The following PPARGC1A variants were observed in gnomAD, a reference collection of about 807,000 sequenced individuals.
PPARGC1A encodes peroxisome proliferator-activated receptor gamma coactivator 1-alpha.
A neutral mutation model predicts 88.7 loss-of-function variants in PPARGC1A; 25 were observed. The ratio of observed to expected loss-of-function variants is 0.28; its 90% confidence interval spans 0.21 to 0.39. The LOEUF is 0.39. Ranked by LOEUF, PPARGC1A falls within the 10% of genes least tolerant of loss-of-function variation. The probability of loss-of-function intolerance (pLI) is 1.00; values close to 1 mark genes in which losing one functional copy is unlikely to be tolerated. For synonymous variants in PPARGC1A, 363 were observed against 355.6 expected (o/e 1.02, Z -0.24); for missense variants, 880 against 968.7 (o/e 0.91, Z 1.22).
the PPARGC1A span, among the ~76,000 whole-genome samples, chr4:24,115,868 T>A: frequency 6.6e-6 from 1 of 152,180 alleles, no homozygotes; most frequent in African/African-American, 2.4e-5. Flanking sequence ...GGCTTTGGGC[T>A]TCACTTTACA....
the PPARGC1A span, among the ~76,000 whole-genome samples, chr4:24,227,109 G>A: frequency 2.0e-5 from 3 of 151,842 alleles, no homozygotes. Context: ...TTTGGATACG[G>A]AGTCTCACTC....
At chr4:23,860,425 A>G (rs1731040891) in intron 2 of PPARGC1A, among the ~76,000 whole-genome samples, 1 of 152,138 alleles carries the variant, frequency 6.6e-6, no homozygotes, top group African/African-American at 2.4e-5. Flanking sequence ...TATGGTTAGT[A>G]ATATTGTACT....
chr4:24,033,026 G>T, the PPARGC1A span, among the ~76,000 whole-genome samples: 6 of 152,208 alleles, frequency 3.9e-5, no homozygotes, highest in Non-Finnish European at 8.8e-5. Context: ...CACAAAACTT[G>T]TATGTAGAAT....
the PPARGC1A span, among the ~76,000 whole-genome samples, chr4:24,213,327 C>T: frequency 6.6e-6 from 1 of 152,064 alleles, no homozygotes; most frequent in Non-Finnish European, 1.5e-5. Context: ...CCACCCGGCC[C>T]GGCTAATTTT....
At chr4:24,107,803 T>A in the PPARGC1A span, among the ~76,000 whole-genome samples, 1 of 152,212 alleles carries the variant, frequency 6.6e-6, no homozygotes, top group African/African-American at 2.4e-5. Context: ...AGAAGGATGA[T>A]TGGCTTCAAG....
At chr4:23,923,084 T>C in the PPARGC1A span, among the ~76,000 whole-genome samples, 1 of 151,704 alleles carries the variant, frequency 6.6e-6, no homozygotes, top group Non-Finnish European at 1.5e-5. Flanking sequence ...CTAAAAACAA[T>C]AGAGCCTTTA....
the PPARGC1A span, among the ~76,000 whole-genome samples, chr4:23,998,107 C>T: frequency 6.6e-6 from 1 of 152,168 alleles, no homozygotes; most frequent in Non-Finnish European, 1.5e-5. Flanking sequence ...CTCCACATGA[C>T]CCCTGGCAGG....
the PPARGC1A span, among the ~76,000 whole-genome samples, chr4:24,195,162 C>G: frequency 6.6e-6 from 1 of 152,136 alleles, no homozygotes; most frequent in Non-Finnish European, 1.5e-5. Context: ...GACTCTTACA[C>G]CTGCTTTAGG....
At chr4:24,215,009 A>C in the PPARGC1A span, among the ~76,000 whole-genome samples, 1 of 152,204 alleles carries the variant, frequency 6.6e-6, no homozygotes, top group Non-Finnish European at 1.5e-5. Context: ...GCTTCAATCC[A>C]GAGGTCCAGC....
At chr4:23,895,809 TA>T (rs779222391) in intron 1 of PPARGC1A, among the ~76,000 whole-genome samples, 6 of 151,840 alleles carry the variant, frequency 4.0e-5, no homozygotes, top group Non-Finnish European at 8.8e-5. Flanking sequence ...CCTAAGGCAA[TA>T]ATAAGGGAAT....
chr4:24,315,678 G>C, the PPARGC1A span, among the ~76,000 whole-genome samples: 1 of 152,148 alleles, frequency 6.6e-6, no homozygotes, highest in Non-Finnish European at 1.5e-5. Context: ...TCACAACTGA[G>C]GAAACGCTAC....
chr4:23,960,129 G>C, the PPARGC1A span, among the ~76,000 whole-genome samples: 1 of 152,146 alleles, frequency 6.6e-6, no homozygotes, highest in African/African-American at 2.4e-5. Flanking sequence ...CCCTGATAAG[G>C]TGGCCAGATA....
At chr4:23,988,759 T>TAC in the PPARGC1A span, among the ~76,000 whole-genome samples, 1 of 150,598 alleles carries the variant, frequency 6.6e-6, no homozygotes, top group Admixed American at 6.7e-5. Context: ...TATATATATA[T>TAC]ACACACACAC....
the PPARGC1A span, among the ~76,000 whole-genome samples, chr4:24,291,719 C>T: frequency 1.5e-4 from 23 of 152,284 alleles, no homozygotes; most frequent in Middle Eastern, 3.4e-3. Flanking sequence ...AACTCAGCGG[C>T]TCTGGGGCCC....
the PPARGC1A span, among the ~76,000 whole-genome samples, chr4:24,398,474 T>A: frequency 6.6e-5 from 10 of 152,360 alleles, no homozygotes; most frequent in East Asian, 1.9e-3. Flanking sequence ...GTTTTTCTGA[T>A]ATATTTTTGA....
At chr4:24,413,054 T>C in the PPARGC1A span, among the ~76,000 whole-genome samples, 1 of 152,208 alleles carries the variant, frequency 6.6e-6, no homozygotes, top group Non-Finnish European at 1.5e-5. Flanking sequence ...GGCAGTTTCT[T>C]GTATGGCCCT....
At chr4:24,326,429 T>C in the PPARGC1A span, among the ~76,000 whole-genome samples, 2 of 152,138 alleles carry the variant, frequency 1.3e-5, no homozygotes, top group Non-Finnish European at 1.5e-5. Context: ...AATACCTCCC[T>C]CCACAATCCA....
chr4:24,051,600 C>G, the PPARGC1A span, among the ~76,000 whole-genome samples: 4 of 152,124 alleles, frequency 2.6e-5, no homozygotes, highest in Non-Finnish European at 5.9e-5. Flanking sequence ...TGCTGGGATT[C>G]GCATCCACAT....
the PPARGC1A span, among the ~76,000 whole-genome samples, chr4:23,949,769 A>G: frequency 6.6e-6 from 1 of 152,064 alleles, no homozygotes; most frequent in African/African-American, 2.4e-5. Context: ...CTTCCCCCAC[A>G]ATCTATGAAA....
Sources: gnomAD v4.1 joint callset for allele counts (sites outside exome capture counted in the v4.1 genomes callset) on GRCh38, gnomAD v4.1.1 for gene constraint, MANE v1.5 for transcripts, NCBI Gene and HGNC (gene_info 2026-07-23, HGNC 2026-07-21) for gene names.